Variants in PTPRQ observed in about 807,000 individuals in gnomAD.
The protein encoded by PTPRQ is phosphatidylinositol phosphatase PTPRQ.
In PTPRQ, 199 loss-of-function variants were observed where a neutral mutation model predicts 246.0. That is an observed-to-expected ratio of 0.81 (90% CI 0.72 to 0.91). The LOEUF is 0.91. Among genes scored for constraint, PTPRQ ranks in the 40% least tolerant of loss-of-function variants. PTPRQ has a pLI of 0.00. For missense variants in PTPRQ, 2,624 were observed against 2,528.4 expected (o/e 1.04, Z -0.81); for synonymous variants, 869 against 853.2 (o/e 1.02, Z -0.32).
chr12:80,538,209 G>A (rs1592629193), intron 19 of PTPRQ, among the ~76,000 whole-genome samples: 1 of 152,104 alleles, frequency 6.6e-6, no homozygotes, highest in East Asian at 1.9e-4. Context: ...AAAAGAATAA[G>A]CCTTACTTAG....
chr12:80,472,636 C>A (rs1893677045), intron 8 of PTPRQ, among the ~76,000 whole-genome samples: 1 of 152,068 alleles, frequency 6.6e-6, no homozygotes, highest in South Asian at 2.1e-4. Flanking sequence ...CCTATACTCC[C>A]AATTCTTTCA....
chr12:80,638,399 G>A (rs984901850), intron 35 of PTPRQ, among the ~76,000 whole-genome samples: 4 of 151,808 alleles, frequency 2.6e-5, no homozygotes, highest in African/African-American at 9.7e-5. Context: ...AGTCCTGTAT[G>A]TTTTCCCATG....
intron 17 of PTPRQ, among the ~76,000 whole-genome samples, chr12:80,513,674 C>T (rs1895192680): frequency 6.6e-6 from 1 of 152,106 alleles, no homozygotes; most frequent in Admixed American, 6.5e-5. Flanking sequence ...CACTTCCCTG[C>T]CCCCACTCCC....
intron 25 of PTPRQ, among the ~76,000 whole-genome samples, chr12:80,579,140 C>A (rs1003842354): frequency 1.3e-5 from 2 of 152,094 alleles, no homozygotes; most frequent in African/African-American, 4.8e-5. Context: ...TGTAAAATAT[C>A]GAACAAGTTT....
At chr12:80,540,053 G>A (rs1389657755) in intron 20 of PTPRQ, 109 bp downstream of exon 20, 2 of 936,230 alleles carry the variant, frequency 2.1e-6, no homozygotes, top group Non-Finnish European at 1.5e-6. Flanking sequence ...ATTTAGACAC[G>A]TTCATTATAG....
intron 33 of PTPRQ, among the ~76,000 whole-genome samples, chr12:80,623,888 A>G (rs1899094325): frequency 6.6e-6 from 1 of 152,164 alleles, no homozygotes; most frequent in Non-Finnish European, 1.5e-5. Flanking sequence ...GCACAGGAGC[A>G]TGATTCCTTA....
intron 17 of PTPRQ, among the ~76,000 whole-genome samples, chr12:80,517,872 C>T (rs767617808): frequency 1.6e-4 from 24 of 152,122 alleles, no homozygotes; most frequent in African/African-American, 2.7e-4. Flanking sequence ...TTTTCTTTAT[C>T]GAGTCAACCA....
At chr12:80,592,936 G>A (rs897829444) in intron 26 of PTPRQ, among the ~76,000 whole-genome samples, 6 of 152,060 alleles carry the variant, frequency 3.9e-5, no homozygotes, top group African/African-American at 7.2e-5. Flanking sequence ...GCTTGGACCC[G>A]GGAGGTGGAG....
rs1444667409 is a variant in PTPRQ at position 80,542,584 on chromosome 12, A to T, written c.3722-146A>T. The T allele has an allele frequency of 3.4e-6, 4 of 1,161,204 alleles. No individual in the cohort carries two copies. The East Asian group carries it at 1.1e-4, about 31-fold the overall frequency. 71.9% of individuals were successfully genotyped at this position (1,161,204 alleles called of 1,614,324 possible). A position where few individuals can be genotyped will look rare whatever the true frequency, so the allele number is the denominator to read the frequency against. ...ACTACTCTGTCCAAATACAAATTAT[A>T]ATTAATTATGATATTTGTTTCTGAA... On this transcript the variant is annotated intron_variant, in intron 22 of 44. Transcript: ENST00000644991.
At position 80,493,397 on chromosome 12, in the gene PTPRQ, C is replaced by A; in HGVS notation, c.1482C>A (p.Ser494Arg). The change falls in exon 10 of 45, where the codon AGC becomes AGA. Residue 494 changes from serine (S) to arginine (R), a missense_variant. Transcript: ENST00000644991. ...CACTTGCTACATTTATATATAACAG[C>A]CATCCAGATAAAAACTTTCCTGCAA... ...LHSLATFIYN[S>R]HPDKNFPARN... 6.5e-7 allele frequency: 1 copy of A among 1,550,098 alleles called. No homozygotes were observed. The highest frequency in any genetic ancestry group is 8.7e-7 in the Non-Finnish European group (1 of 1,145,924).
chr12:80,644,912 A>G (rs1534497), intron 35 of PTPRQ, among the ~76,000 whole-genome samples: 30,807 of 151,932 alleles, frequency 0.2, 4,796 homozygotes, highest in African/African-American at 0.43. Context: ...TTTTATTTGA[A>G]ATAGTCAGGT....
chr12:80,461,305 T>C (rs1893159229), intron 6 of PTPRQ, among the ~76,000 whole-genome samples: 2 of 152,186 alleles, frequency 1.3e-5, no homozygotes. Context: ...CAACATTTAG[T>C]TATCAGATAC....
intron 25 of PTPRQ, among the ~76,000 whole-genome samples, chr12:80,569,402 G>A (rs1474355791): frequency 1.9e-5 from 2 of 107,216 alleles, no homozygotes; most frequent in East Asian, 3.3e-4. Flanking sequence ...GGTGGGGGGA[G>A]GGGGGAGGGA....
intron 30 of PTPRQ, among the ~76,000 whole-genome samples, chr12:80,617,335 A>T (rs547203196): frequency 6.6e-6 from 1 of 151,520 alleles, no homozygotes; most frequent in South Asian, 2.1e-4. Flanking sequence ...GATGAAACTG[A>T]TAAATTTTAT....
intron 17 of PTPRQ, among the ~76,000 whole-genome samples, chr12:80,512,475 T>A (rs1373456552): frequency 6.6e-6 from 1 of 152,190 alleles, no homozygotes; most frequent in East Asian, 1.9e-4. Context: ...TAGTTGTCTA[T>A]TTATAGTTCC....
intron 1 of PTPRQ, among the ~76,000 whole-genome samples, 159 bp from the exon 2 acceptor site, chr12:80,444,582 A>C (rs895534048): frequency 6.6e-5 from 10 of 151,888 alleles, no homozygotes; most frequent in African/African-American, 2.4e-4. Context: ...GTTATATAAC[A>C]TATTTGTATC....
chr12:80,444,477 T>C (rs575986955), intron 1 of PTPRQ, 78 bp downstream of exon 1: 2 of 864,876 alleles, frequency 2.3e-6, no homozygotes, highest in East Asian at 5.3e-5. Context: ...AGTTGTTCCT[T>C]GTGACAGTGA....
At chr12:80,578,483 C>T (rs1246303932) in intron 25 of PTPRQ, among the ~76,000 whole-genome samples, 1 of 151,970 alleles carries the variant, frequency 6.6e-6, no homozygotes, top group Non-Finnish European at 1.5e-5. Context: ...CTCCGCCTCC[C>T]GGGTTCATGC....
At chr12:80,542,971 A>G (rs1304352677) in intron 23 of PTPRQ, 90 bp downstream of exon 23, 3 of 872,322 alleles carry the variant, frequency 3.4e-6, no homozygotes, top group Non-Finnish European at 4.9e-6. Context: ...TGGACTACTA[A>G]ATTAAACAAT....
Sources: gnomAD v4.1 joint callset for allele counts (sites outside exome capture counted in the v4.1 genomes callset) on GRCh38, gnomAD v4.1.1 for gene constraint, MANE v1.5 for transcripts, NCBI Gene and HGNC (gene_info 2026-07-23, HGNC 2026-07-21) for gene names.